ARID1A: variants seen among roughly 807,000 people sequenced by gnomAD.
The protein encoded by ARID1A is AT-rich interactive domain-containing protein 1A.
Under a neutral mutation model 212.6 loss-of-function variants are expected in ARID1A, and 20 were observed. That is an observed-to-expected ratio of 0.09 (90% CI 0.07 to 0.14). The LOEUF (loss-of-function observed/expected upper bound fraction) is 0.14, where lower values mean the gene tolerates loss of function less well. Among genes scored for constraint, ARID1A ranks in the 10% least tolerant of loss-of-function variants. ARID1A has a pLI of 1.00. For synonymous variants in ARID1A, 1,376 were observed against 1,222.1 expected, an observed-to-expected ratio of 1.13 and a Z score of -2.63; for missense variants, 2,587 against 3,059.0, an observed-to-expected ratio of 0.85 and a Z score of 3.64.
At chr1:26,705,451 T>TC (rs61242310) in intron 1 of ARID1A, among the ~76,000 whole-genome samples, 7,187 of 143,220 alleles carry the variant, frequency 0.05, 216 homozygotes, top group Non-Finnish European at 0.077. Flanking sequence ...TTTTTTTTTT[T>TC]CCCCCCCCCT....
At position 26,697,522 on chromosome 1, in the gene ARID1A, G is replaced by C; in HGVS notation, c.1119G>C (p.Pro373=). ...GGAGCAGCGGCGGCGGGGGGCAGCC[G>C]CTCGCCCGGACCCCTCAGGTACACA... is the stretch of plus-strand genomic sequence containing the variant. The part of the protein sequence containing the change: ...SPGSSGGGGQ[P]LARTPQPSSP... The change falls in exon 1 of 20, where the codon CCG becomes CCC. Residue 373 remains proline (P), a synonymous_variant. Coordinates refer to ENST00000324856, the MANE Select transcript of ARID1A (RefSeq NM_006015.6). 7.1e-7 allele frequency: 1 copy of C among 1,398,894 alleles called. No homozygotes were observed. Among genetic ancestry groups the C allele is most frequent in the Non-Finnish European group, 9.2e-7 (1 of 1,084,150 alleles). 86.7% of individuals were successfully genotyped at this position (1,398,894 alleles called of 1,614,324 possible).
chr1:26,763,057 T>A lies in ARID1A; in HGVS notation c.2504T>A (p.Met835Lys). The A allele has an allele frequency of 6.2e-7, 1 of 1,614,188 alleles. No individual in the cohort carries two copies. Residue 835 changes from methionine to lysine, a missense_variant, in exon 8 of 20, where the codon ATG (methionine) becomes AAG (lysine). Coordinates refer to ENST00000324856, the MANE Select transcript of ARID1A (RefSeq NM_006015.6). ...GGCATGGCTGGAGGCATAAACCCCA[T>A]GGGTGCCGGAGGTCAAATGCATGGA... ...SAGMAGGINP[M>K]GAGGQMHGQP... is the part of the protein sequence containing the mutation.
intron 4 of ARID1A, among the ~76,000 whole-genome samples, chr1:26,747,169 C>T (rs1259981152): frequency 6.6e-6 from 1 of 152,158 alleles, no homozygotes; most frequent in Non-Finnish European, 1.5e-5. Context: ...GATATGTATT[C>T]TGTTGCCATC....
In ARID1A at chr1:26,729,694, C is replaced by T. The variant is rs2124784931; in HGVS notation, c.1181C>T (p.Pro394Leu). The T allele has an allele frequency of 2.5e-6, 4 of 1,614,242 alleles. No individual in the cohort carries two copies. The highest frequency in any genetic ancestry group is 3.4e-6 in the Non-Finnish European group (4 of 1,180,052). The change falls in exon 2 of 20, where the codon CCA becomes CTA. Residue 394 changes from proline to leucine, a missense_variant. Transcript: ENST00000324856. ...CAGATGGGCAAGATGAGACCTCAGC[C>T]ATATGGCGGGACTAACCCATACTCG... is the stretch of plus-strand genomic sequence containing the variant. ...MDQMGKMRPQPYGGTNPYSQQ... is the reference protein window; with the variant it reads ...MDQMGKMRPQLYGGTNPYSQQ...
chr1:26,741,216 G>A (rs965161317), intron 4 of ARID1A, among the ~76,000 whole-genome samples: 7 of 152,184 alleles, frequency 4.6e-5, no homozygotes, highest in South Asian at 2.1e-4. Flanking sequence ...TGGAGAGATC[G>A]GAGAAGGACC....
rs2081085244 is a variant in ARID1A, at chr1:26,771,861, G to A, written c.3406+535G>A. ...AGAGGGAAGAAGGCCAGGGTGCCTGGAAGGTGGGTGTAAACACATGTGCCC... is the reference window on the plus strand; with the variant it reads ...AGAGGGAAGAAGGCCAGGGTGCCTGAAAGGTGGGTGTAAACACATGTGCCC... On this transcript the variant is annotated intron_variant, in intron 12 of 19. Coordinates refer to ENST00000324856, the MANE Select transcript of ARID1A (RefSeq NM_006015.6). This position sits in a 1 kb window ranked among gnomAD's most constrained non-coding sequence, Gnocchi z 5.4. 1 of 166,582 alleles carries A rather than the reference G, an allele frequency of 6.0e-6. No individual in the cohort carries two copies. The highest frequency in any genetic ancestry group is 5.7e-5 in the Admixed American group (1 of 17,498). 10.3% of individuals were successfully genotyped at this position (166,582 alleles called of 1,614,324 possible). A position where few individuals can be genotyped will look rare whatever the true frequency, so the allele number is the denominator to read the frequency against.
chr1:26,761,232 G>A, intron 5 of ARID1A, 136 bp downstream of exon 5: 1 of 1,473,240 alleles, frequency 6.8e-7, no homozygotes, highest in South Asian at 1.3e-5. Flanking sequence ...ATTTGGAGAA[G>A]GAGATTGGAA....
chr1:26,770,271 G>A (rs2124093141), intron 11 of ARID1A: 2 of 152,184 alleles, frequency 1.3e-5, no homozygotes, highest in South Asian at 4.1e-4. Context: ...AAGGGAAAGG[G>A]ACCTGTGGTT....
intron 4 of ARID1A, among the ~76,000 whole-genome samples, chr1:26,750,844 G>A (rs901181287): frequency 1.3e-5 from 2 of 151,836 alleles, no homozygotes; most frequent in Non-Finnish European, 1.5e-5. Context: ...GAAAACCCAG[G>A]GGTGAGAAAA....
At chr1:26,709,371 C>T (rs2080427268) in intron 1 of ARID1A, among the ~76,000 whole-genome samples, 1 of 152,114 alleles carries the variant, frequency 6.6e-6, no homozygotes, top group Non-Finnish European at 1.5e-5. Context: ...ATCTACCTCA[C>T]ATTCTCCTCC....
At position 26,780,908 on chromosome 1, in the gene ARID1A, C is replaced by G. The variant is rs969224680; in HGVS notation, c.*152C>G. 157 of 1,085,204 alleles carry G rather than the reference C, an allele frequency of 1.4e-4. 2 individuals are homozygous for G. Among genetic ancestry groups the G allele is most frequent in the Middle Eastern group, 1.2e-3 (4 of 3,322 alleles). The allele number at this position is 1,085,204 out of a possible 1,614,324, so 67.2% of individuals were successfully genotyped here. ...CCTTGGGAAAAAGTCTCTCCTGTTT[C>G]TCTCTCCTCCTTCCACCTCCCCTCC... On this transcript the variant is annotated 3_prime_UTR_variant, in exon 20 of 20. Transcript: ENST00000324856. The surrounding 1 kb of genome is among the most constrained non-coding windows in gnomAD (Gnocchi z 7.2).
chr1:26,734,612 T>C lies in ARID1A; in HGVS notation c.1920+1820T>C, dbSNP rs1387739331. Among the ~76,000 whole-genome samples the C allele has an allele frequency of 3.3e-5, 5 of 152,356 alleles. No homozygotes were observed. In the East Asian group the frequency reaches 7.7e-4, roughly 23 times the overall value. ...TGTGGGAGGTAAGCTGGCTGGGTTA[T>C]TGGCATCTTGTTTTTTGAATTGCTT... On this transcript the variant is annotated intron_variant, in intron 4 of 19. Coordinates refer to ENST00000324856, the MANE Select transcript of ARID1A (RefSeq NM_006015.6).
In ARID1A at chr1:26,707,882, TTGTC is replaced by T. The variant is rs745652771; in HGVS notation, c.1137+10345_1137+10348del. Among the ~76,000 whole-genome samples the T allele has an allele frequency of 3.8e-4, 58 of 152,188 alleles. 1 individual carries two copies. Among genetic ancestry groups the T allele is most frequent in the Non-Finnish European group, 1.5e-4 (10 of 68,038 alleles). ...GTTTGTCTGACAAGGTAGACAAGGTTTGTCTGACTCTTCAAAGGTATTACAATCT... is the reference window on the plus strand; with the variant it reads ...GTTTGTCTGACAAGGTAGACAAGGTTTGACTCTTCAAAGGTATTACAATCT... On this transcript the variant is annotated intron_variant, in intron 1 of 19. Transcript: ENST00000324856.
At position 26,696,243 on chromosome 1, in the gene ARID1A, G is replaced by T. The variant is rs2080249241; in HGVS notation, c.-161G>T. ...AGCCCGGAGCCTGAGCCGGCGGGGC[G>T]GGGGGGAGAGGAGCGAGCGCAGCGC... On this transcript the variant is annotated 5_prime_UTR_variant, in exon 1 of 20. Transcript: ENST00000324856. 6 of 877,738 alleles carry T rather than the reference G, an allele frequency of 6.8e-6. No individual in the cohort carries two copies. Among genetic ancestry groups the T allele is most frequent in the Non-Finnish European group, 7.3e-6 (5 of 687,314 alleles). The allele number at this position is 877,738 out of a possible 1,614,324, so 54.4% of individuals were successfully genotyped here.
At chr1:26,727,969 T>C (rs1327528871) in intron 1 of ARID1A, 1 of 152,210 alleles carries the variant, frequency 6.6e-6, no homozygotes, top group Non-Finnish European at 1.5e-5. Context: ...TTAATTGTTG[T>C]TAAATTCGAA....
intron 4 of ARID1A, among the ~76,000 whole-genome samples, chr1:26,735,640 T>G (rs2080722251): frequency 1.3e-5 from 2 of 152,180 alleles, no homozygotes; most frequent in Admixed American, 6.5e-5. Flanking sequence ...AGATTGCTGT[T>G]CCCTCTCAGC....
intron 3 of ARID1A, 39 bp from the exon 4 acceptor site, chr1:26,732,637 A>G (rs770850901): frequency 6.7e-7 from 1 of 1,483,234 alleles, no homozygotes; most frequent in Non-Finnish European, 9.4e-7. Flanking sequence ...CTGGTTTATC[A>G]ATACCAGGCC....
At chr1:26,712,879 T>G (rs762145708) in intron 1 of ARID1A, among the ~76,000 whole-genome samples, 9 of 152,228 alleles carry the variant, frequency 5.9e-5, no homozygotes, top group Non-Finnish European at 1.0e-4. Context: ...TGATAAATAT[T>G]AACAGTTTGA....
intron 1 of ARID1A, among the ~76,000 whole-genome samples, chr1:26,713,748 C>G (rs922726231): frequency 6.6e-6 from 1 of 152,202 alleles, no homozygotes; most frequent in Admixed American, 6.5e-5. Flanking sequence ...CCTAAATGGT[C>G]TCTACCTCTT....
Sources: allele counts gnomAD v4.1 joint callset (sites outside exome capture counted in the v4.1 genomes callset), GRCh38; gene constraint gnomAD v4.1.1; non-coding constraint Gnocchi (gnomAD v3.1); transcripts MANE v1.5; gene names NCBI Gene and HGNC (gene_info 2026-07-23, HGNC 2026-07-21).